ANK1: variants seen among roughly 807,000 people sequenced by gnomAD.
The protein encoded by ANK1 is ankyrin 1, also known as ankyrin-1.
Under a neutral mutation model 210.4 loss-of-function variants are expected in ANK1, and 51 were observed. The observed-to-expected ratio is 0.24, with a 90% confidence interval of 0.19 to 0.31. The LOEUF (loss-of-function observed/expected upper bound fraction) is 0.31, where lower values mean the gene tolerates loss of function less well. Among genes scored for constraint, ANK1 ranks in the 10% least tolerant of loss-of-function variants. ANK1 has a pLI of 1.00. For missense variants in ANK1, 2,051 were observed against 2,504.4 expected, an observed-to-expected ratio of 0.82 and a Z score of 3.86; for synonymous variants, 967 against 1,025.9, an observed-to-expected ratio of 0.94 and a Z score of 1.10.
chr8:41,865,122 G>A (rs970637775), intron 1 of ANK1, among the ~76,000 whole-genome samples: 1 of 152,062 alleles, frequency 6.6e-6, no homozygotes, highest in Non-Finnish European at 1.5e-5. Context: ...GGCCTCCCTG[G>A]CCACCCAAGG....
chr8:41,661,510 C>T lies in ANK1; in HGVS notation c.5599G>A (p.Ala1867Thr), dbSNP rs1218420598. 2 of 1,613,976 alleles carry T rather than the reference C, an allele frequency of 1.2e-6. No individual in the cohort carries two copies. Among genetic ancestry groups the T allele is most frequent in the Non-Finnish European group, 1.7e-6 (2 of 1,180,046 alleles). ...QPDLIEGRKGAQIVKRASLKR... is the reference protein window; with the variant it reads ...QPDLIEGRKGTQIVKRASLKR... The stretch of plus-strand genomic sequence containing the variant: ...AGGCTGGCCCGCTTCACTATCTGCG[C>T]CCCCTTCCTGCCCTCTATCAGGTCC... Residue 1867 changes from alanine to threonine, a missense_variant, in exon 42 of 43, where the codon GCG becomes ACG. By Grantham distance (58) the Ala-to-Thr change is moderately conservative (BLOSUM62 0). Coordinates refer to ENST00000289734, the MANE Select transcript of ANK1 (RefSeq NM_000037.4).
At chr8:41,741,529 A>G (rs1436745262) in intron 2 of ANK1, among the ~76,000 whole-genome samples, 1 of 151,396 alleles carries the variant, frequency 6.6e-6, no homozygotes, top group Non-Finnish European at 1.5e-5. Context: ...GCAGTGAGCT[A>G]TGATTGCACC....
In ANK1 at chr8:41,724,442, T is replaced by G. The variant is rs1830158220; in HGVS notation, c.711+14A>C. The G allele has an allele frequency of 6.4e-7, 1 of 1,557,480 alleles. No homozygotes were observed. The highest frequency in any genetic ancestry group is 8.7e-7 in the Non-Finnish European group (1 of 1,150,274). On this transcript the variant is annotated intron_variant, in intron 7 of 42. Coordinates refer to ENST00000289734, the MANE Select transcript of ANK1 (RefSeq NM_000037.4). The stretch of plus-strand genomic sequence containing the variant: ...AGCCCCCGGACAGTGAGGGCGCACG[T>G]GCCCCAGGGTTACCTGTGGTGTGAA...
At chr8:41,703,418 G>A (rs1207402107) in intron 20 of ANK1, among the ~76,000 whole-genome samples, 23 of 46,908 alleles carry the variant, frequency 4.9e-4, no homozygotes, top group East Asian at 9.7e-4. Flanking sequence ...GTGTGTGTGT[G>A]TGTGTATATA....
intron 1 of ANK1, among the ~76,000 whole-genome samples, chr8:41,844,614 C>A (rs947607700): frequency 1.3e-5 from 2 of 152,236 alleles, no homozygotes; most frequent in Admixed American, 6.5e-5. Flanking sequence ...AACACGATCT[C>A]GGGCATGCCC....
chr8:41,712,230 A>C (rs1410460927), intron 16 of ANK1, among the ~76,000 whole-genome samples: 1 of 152,140 alleles, frequency 6.6e-6, no homozygotes, highest in Non-Finnish European at 1.5e-5. Flanking sequence ...CGGCCCTATT[A>C]GGCCATCTTT....
chr8:41,725,637 T>C, intron 6 of ANK1, 124 bp downstream of exon 6: 1 of 1,331,140 alleles, frequency 7.5e-7, no homozygotes, highest in Non-Finnish European at 1.0e-6. Flanking sequence ...GTGAGGGCGC[T>C]CAGTGCGCAC....
chr8:41,678,784 G>C (rs1267606330), intron 37 of ANK1, among the ~76,000 whole-genome samples: 1 of 151,848 alleles, frequency 6.6e-6, no homozygotes, highest in Admixed American at 6.6e-5. Flanking sequence ...TTCTTTTTTT[G>C]TTTGTTTGTT....
chr8:41,680,133 A>G (rs1815502126), intron 37 of ANK1, among the ~76,000 whole-genome samples: 1 of 152,172 alleles, frequency 6.6e-6, no homozygotes, highest in African/African-American at 2.4e-5. Context: ...ACTCCTTGGA[A>G]TTGCGATGAG....
Position 41,758,024 on chromosome 8 carries a change from C to T in ANK1, c.129+12G>A. 6 of 1,611,148 alleles carry T rather than the reference C, an allele frequency of 3.7e-6. No homozygotes were observed. Among genetic ancestry groups the T allele is most frequent in the Non-Finnish European group, 5.1e-6 (6 of 1,177,276 alleles). On this transcript the variant is annotated intron_variant, in intron 2 of 42. Transcript: ENST00000289734. The stretch of plus-strand genomic sequence containing the variant: ...TCTTCAGAGACAACAGGCCTGCCTC[C>T]ATCCCACTTACCTGGTTACAGGTGT...
In ANK1 at chr8:41,716,942, T is replaced by C. The variant is rs755355072; in HGVS notation, c.1404+11A>G. 1.2e-6 allele frequency: 2 copies of C among 1,613,486 alleles called. No homozygotes were observed. The highest frequency in any genetic ancestry group is 2.2e-5 in the South Asian group (2 of 91,052). The stretch of plus-strand genomic sequence containing the variant: ...ATCTGAAACCCTTCCCTTCCTGCCT[T>C]CACTACTCACCTTGGCCTTGGCATT... On this transcript the variant is annotated intron_variant, in intron 13 of 42. Coordinates refer to ENST00000289734, the MANE Select transcript of ANK1 (RefSeq NM_000037.4).
At chr8:41,755,725 G>A (rs1014476254) in intron 2 of ANK1, among the ~76,000 whole-genome samples, 4 of 152,152 alleles carry the variant, frequency 2.6e-5, no homozygotes, top group African/African-American at 9.7e-5. Context: ...CTGCCTCCAG[G>A]CTTTGCTGCA....
intron 1 of ANK1, among the ~76,000 whole-genome samples, chr8:41,837,852 C>T (rs1808065288): frequency 6.6e-6 from 1 of 151,978 alleles, no homozygotes. Flanking sequence ...GCCTGGGCAA[C>T]AGAGCGAGAC....
chr8:41,724,136 C>T (rs1830079340), intron 7 of ANK1, among the ~76,000 whole-genome samples: 1 of 152,156 alleles, frequency 6.6e-6, no homozygotes, highest in Non-Finnish European at 1.5e-5. Context: ...TGGGTCATCC[C>T]ACCACACCAC....
At chr8:41,777,243 TA>T (rs923056587) in intron 1 of ANK1, among the ~76,000 whole-genome samples, 4 of 152,192 alleles carry the variant, frequency 2.6e-5, no homozygotes, top group East Asian at 1.9e-4. Flanking sequence ...GAAGGGTGTC[TA>T]GGGGGCCCCC....
At chr8:41,658,817 C>T (rs562922063) in intron 42 of ANK1, among the ~76,000 whole-genome samples, 12 of 152,216 alleles carry the variant, frequency 7.9e-5, no homozygotes, top group Non-Finnish European at 1.2e-4. Context: ...CACTTGAACC[C>T]GGGAGATGGA....
chr8:41,886,184 C>T (rs1468098000), intron 1 of ANK1, among the ~76,000 whole-genome samples: 1 of 152,204 alleles, frequency 6.6e-6, no homozygotes, highest in Non-Finnish European at 1.5e-5. Flanking sequence ...CCCCTAGGTC[C>T]ACAGCCTGCT....
chr8:41,820,904 C>T (rs1419565453), intron 1 of ANK1, among the ~76,000 whole-genome samples: 4 of 151,934 alleles, frequency 2.6e-5, no homozygotes, highest in Non-Finnish European at 5.9e-5. Flanking sequence ...AGTGGGAGGG[C>T]GAGGGGAGGA....
intron 37 of ANK1, among the ~76,000 whole-genome samples, chr8:41,679,179 T>G (rs1815133262): frequency 6.6e-6 from 1 of 152,190 alleles, no homozygotes; most frequent in South Asian, 2.1e-4. Context: ...TCCTGCCTCT[T>G]TGTGTGTCTG....
Sources: gnomAD v4.1 joint callset for allele counts (sites outside exome capture counted in the v4.1 genomes callset) on GRCh38, gnomAD v4.1.1 for gene constraint, MANE v1.5 for transcripts, NCBI Gene and HGNC (gene_info 2026-07-23, HGNC 2026-07-21) for gene names.